Variants in PKD1L1 observed in about 807,000 individuals in gnomAD.
PKD1L1 encodes the protein polycystin-1-like protein 1.
PKD1L1 carries 236 observed loss-of-function variants against 323.4 expected under a neutral mutation model. The observed-to-expected ratio is 0.73, with a 90% CI of 0.66 to 0.81. The LOEUF (loss-of-function observed/expected upper bound fraction) is 0.81, where lower values mean the gene tolerates loss of function less well. Among genes scored for constraint, PKD1L1 ranks in the 40% least tolerant of loss-of-function variants. The probability of loss-of-function intolerance (pLI) is 0.00; values close to 1 mark genes in which losing one functional copy is unlikely to be tolerated. For synonymous variants in PKD1L1, 1,344 were observed against 1,335.0 expected, an observed-to-expected ratio of 1.01 and a Z score of -0.15; for missense variants, 3,320 against 3,508.0, an observed-to-expected ratio of 0.95 and a Z score of 1.35.
chr7:47,826,226 C>T (rs1173761084), intron 45 of PKD1L1, among the ~76,000 whole-genome samples: 1 of 152,202 alleles, frequency 6.6e-6, no homozygotes, highest in African/African-American at 2.4e-5. Flanking sequence ...GGTGGGTGCA[C>T]TCTCTGGTTG....
intron 52 of PKD1L1, among the ~76,000 whole-genome samples, chr7:47,806,691 G>A (rs1033929065): frequency 2.6e-5 from 4 of 152,230 alleles, no homozygotes; most frequent in Non-Finnish European, 1.5e-5. Flanking sequence ...ATGCTGATAA[G>A]TGCCTGCAGA....
chr7:47,851,370 G>T (rs1445787028), intron 31 of PKD1L1, among the ~76,000 whole-genome samples: 1 of 152,136 alleles, frequency 6.6e-6, no homozygotes, highest in East Asian at 1.9e-4. Context: ...GCATCAAAAA[G>T]TAAAATAATG....
chr7:47,886,091 C>A, intron 17 of PKD1L1, 37 bp from the exon 18 acceptor site: 2 of 1,560,550 alleles, frequency 1.3e-6, no homozygotes, highest in Non-Finnish European at 8.7e-7. Context: ...AATTTTGCAG[C>A]AAAAATATAA....
At chr7:47,801,373 T>G (rs1468649313) in intron 53 of PKD1L1, among the ~76,000 whole-genome samples, 1 of 152,218 alleles carries the variant, frequency 6.6e-6, no homozygotes, top group Admixed American at 6.5e-5. Flanking sequence ...GTCCTGGTTG[T>G]CGTAACAGAC....
At chr7:47,821,529 A>T (rs553865648) in intron 45 of PKD1L1, among the ~76,000 whole-genome samples, 23 of 152,166 alleles carry the variant, frequency 1.5e-4, no homozygotes, top group African/African-American at 4.3e-4. Context: ...TCAGCCTCCC[A>T]AAGTGCTGGG....
intron 2 of PKD1L1, among the ~76,000 whole-genome samples, chr7:47,941,370 T>C (rs2686827): frequency 0.43 from 64,741 of 152,074 alleles, 14,366 homozygotes; most frequent in East Asian, 0.52. Flanking sequence ...GGCTGGGCCA[T>C]CCTCACAGGG....
At chr7:47,789,876 C>T (rs1264667389) in intron 56 of PKD1L1, among the ~76,000 whole-genome samples, 1 of 151,574 alleles carries the variant, frequency 6.6e-6, no homozygotes, top group Admixed American at 6.6e-5. Flanking sequence ...TGTATAAATC[C>T]TCTATTTTAT....
intron 50 of PKD1L1, 52 bp downstream of exon 50, chr7:47,811,765 A>C: frequency 6.9e-7 from 1 of 1,449,858 alleles, no homozygotes; most frequent in Non-Finnish European, 9.4e-7. Context: ...GCCCAGGTGA[A>C]GCCCCATCTT....
chr7:47,775,293 G>A, intron 56 of PKD1L1, 127 bp from the exon 57 acceptor site: 1 of 995,588 alleles, frequency 1.0e-6, no homozygotes. Flanking sequence ...CTTGACCAAG[G>A]TGACATTTAC....
chr7:47,814,050 G>C (rs1382136562), intron 47 of PKD1L1, 36 bp from the exon 48 acceptor site: 1 of 1,574,752 alleles, frequency 6.4e-7, no homozygotes, highest in African/African-American at 1.3e-5. Context: ...GACTGGGTGT[G>C]CTGTGGACTT....
At position 47,826,114 on chromosome 7, in the gene PKD1L1, A is replaced by G. The variant is rs140308897; in HGVS notation, c.6854+1236T>C. ...AACTCCTCCAAGATGCGCCCACCAC[A>G]CTCCCAGTGAACAACACCTACAGGA... On this transcript the variant is annotated intron_variant, in intron 45 of 56. Transcript: ENST00000289672. Among the ~76,000 whole-genome samples the G allele has an allele frequency of 2.4e-4, 37 of 151,732 alleles. 1 individual carries two copies. Among genetic ancestry groups the G allele is most frequent in the African/African-American group, 7.0e-4 (29 of 41,342 alleles).
upstream of PKD1L1, among the ~76,000 whole-genome samples, chr7:47,950,696 G>A (rs1009266523): frequency 6.7e-6 from 1 of 148,546 alleles, no homozygotes; most frequent in Non-Finnish European, 1.5e-5. Flanking sequence ...GGCAATGAGC[G>A]AAACTCTTGT....
At chr7:47,927,553 C>T (rs898431622) in intron 7 of PKD1L1, among the ~76,000 whole-genome samples, 1 of 152,046 alleles carries the variant, frequency 6.6e-6, no homozygotes, top group Non-Finnish European at 1.5e-5. Context: ...CGTGAGCCAC[C>T]ACATCCAGCC....
At chr7:47,899,193 A>C (rs566936941) in intron 13 of PKD1L1, among the ~76,000 whole-genome samples, 9 of 152,322 alleles carry the variant, frequency 5.9e-5, no homozygotes, top group African/African-American at 2.2e-4. Context: ...AGATGCTCCA[A>C]GTAGCCCATC....
At position 47,813,913 on chromosome 7, in the gene PKD1L1, G is replaced by A. The variant is rs1260596371; in HGVS notation, c.7173+18C>T. 1 of 1,605,320 alleles carries A rather than the reference G, an allele frequency of 6.2e-7. No homozygotes were observed. The highest frequency in any genetic ancestry group is 8.5e-7 in the Non-Finnish European group (1 of 1,172,200). On this transcript the variant is annotated intron_variant, in intron 48 of 56. Coordinates refer to ENST00000289672, the MANE Select transcript of PKD1L1 (RefSeq NM_138295.5). The stretch of plus-strand genomic sequence containing the variant: ...ATTCCATTTATTCTTGGAAGCAAAA[G>A]GAAAAGGAACATCTTACCTTGCATA...
the PKD1L1 span, among the ~76,000 whole-genome samples, chr7:47,958,853 G>A: frequency 3.3e-5 from 5 of 151,886 alleles, no homozygotes; most frequent in African/African-American, 4.8e-5. Flanking sequence ...CTCTTTCCAC[G>A]GTCTCCCACT....
chr7:47,917,645 C>T (rs1013242497), intron 7 of PKD1L1, among the ~76,000 whole-genome samples: 7 of 152,084 alleles, frequency 4.6e-5, no homozygotes, highest in African/African-American at 1.7e-4. Context: ...CAGCAGAAAC[C>T]CTATAAGCCG....
At chr7:47,937,603 C>G (rs1419993240) in intron 3 of PKD1L1, among the ~76,000 whole-genome samples, 1 of 152,090 alleles carries the variant, frequency 6.6e-6, no homozygotes, top group African/African-American at 2.4e-5. Flanking sequence ...GCCTGGCAGG[C>G]AGGAGTGGCA....
chr7:47,866,502 C>A lies in PKD1L1; in HGVS notation c.4009G>T (p.Asp1337Tyr), dbSNP rs1786172700. 7 of 1,614,016 alleles carry A rather than the reference C, an allele frequency of 4.3e-6. No individual in the cohort carries two copies. In the South Asian group the frequency reaches 7.7e-5, roughly 18 times the overall value. The change falls in exon 25 of 57, where the codon GAC becomes TAC. Residue 1337 changes from aspartate to tyrosine, a missense_variant. Transcript: ENST00000289672. ...TRILSRLSKE[D>Y]KTASCNQWSR... ...CATTGGTTGCAGGAGGCAGTTTTGT[C>A]CTCCTTAGACAAACGACTCAGGATT...
Sources: allele counts gnomAD v4.1 joint callset (sites outside exome capture counted in the v4.1 genomes callset), GRCh38; gene constraint gnomAD v4.1.1; transcripts MANE v1.5; gene names NCBI Gene and HGNC (gene_info 2026-07-23, HGNC 2026-07-21).